The following STK31 variants were observed in gnomAD, a reference collection of about 807,000 sequenced individuals.
STK31 encodes the protein serine/threonine kinase 31.
In STK31, 89 loss-of-function variants were observed where a neutral mutation model predicts 129.7. That is an observed-to-expected ratio of 0.69 (90% confidence interval 0.58 to 0.82). The LOEUF (loss-of-function observed/expected upper bound fraction) is 0.82, where lower values mean the gene tolerates loss of function less well. Among genes scored for constraint, STK31 ranks in the 40% least tolerant of loss-of-function variants. The pLI, the probability that STK31 is intolerant of heterozygous loss-of-function variation, is 0.00. For synonymous variants in STK31, 448 were observed against 395.3 expected (o/e 1.13, Z -1.58); for missense variants, 1,187 against 1,176.4 (o/e 1.01, Z -0.13).
At chr7:23,746,951 C>T (rs1313737496) in intron 8 of STK31, among the ~76,000 whole-genome samples, 3 of 151,046 alleles carry the variant, frequency 2.0e-5, no homozygotes, top group Non-Finnish European at 4.4e-5. Context: ...CAAGGTGTAC[C>T]AGGCAGGCAC....
chr7:23,832,394 CT>C lies in STK31; in HGVS notation c.*33del. 6.6e-7 allele frequency: 1 copy of C among 1,520,352 alleles called. No homozygotes were observed. Among genetic ancestry groups the C allele is most frequent in the Non-Finnish European group, 8.8e-7 (1 of 1,136,528 alleles). 94.2% of individuals were successfully genotyped at this position (1,520,352 alleles called of 1,614,324 possible). On this transcript the variant is annotated 3_prime_UTR_variant, in exon 24 of 24. Coordinates refer to ENST00000355870, the MANE Select transcript of STK31 (RefSeq NM_031414.5). ...TATTATTGTTGTTGTTGCAGAGGTTCTTTTTAAAAACTTTGGTTTGGTTAAT... is the reference window on the plus strand; with the variant it reads ...TATTATTGTTGTTGTTGCAGAGGTTCTTTTAAAAACTTTGGTTTGGTTAAT...
chr7:23,819,667 G>A (rs1793684499), intron 23 of STK31, among the ~76,000 whole-genome samples: 1 of 151,510 alleles, frequency 6.6e-6, no homozygotes, highest in African/African-American at 2.4e-5. Context: ...ACTTGCCTTG[G>A]CCTCCCAAAG....
At chr7:23,826,050 G>A (rs1328131593) in intron 23 of STK31, among the ~76,000 whole-genome samples, 1 of 152,122 alleles carries the variant, frequency 6.6e-6, no homozygotes. Flanking sequence ...GGTGTGGTGT[G>A]GTGCTGAAAA....
chr7:23,771,297 G>T, intron 14 of STK31, 173 bp downstream of exon 14: 1 of 528,982 alleles, frequency 1.9e-6, no homozygotes, highest in Non-Finnish European at 2.9e-6. Flanking sequence ...ATTTTTTATT[G>T]TTTTAAATAT....
chr7:23,829,945 G>A (rs187757676), intron 23 of STK31, among the ~76,000 whole-genome samples: 1 of 151,926 alleles, frequency 6.6e-6, no homozygotes, highest in African/African-American at 2.4e-5. Flanking sequence ...TTTATGTTTT[G>A]TATTTTTTTG....
At chr7:23,784,939 AC>A (rs931220883) in intron 17 of STK31, among the ~76,000 whole-genome samples, 4 of 152,126 alleles carry the variant, frequency 2.6e-5, no homozygotes, top group African/African-American at 4.8e-5. Context: ...CCCATTTGAT[AC>A]CTACATTTTT....
At chr7:23,812,910 T>C (rs761875895) in intron 22 of STK31, among the ~76,000 whole-genome samples, 8 of 152,318 alleles carry the variant, frequency 5.3e-5, no homozygotes, top group Non-Finnish European at 1.2e-4. Context: ...TATGTATGTG[T>C]ATATGTGTAC....
intron 23 of STK31, among the ~76,000 whole-genome samples, chr7:23,821,905 T>C (rs557366592): frequency 1.3e-5 from 2 of 152,246 alleles, no homozygotes; most frequent in African/African-American, 4.8e-5. Context: ...TTTATTGAAG[T>C]GGGTGTCTTT....
intron 22 of STK31, among the ~76,000 whole-genome samples, chr7:23,809,403 C>T (rs1309723161): frequency 6.6e-6 from 1 of 152,050 alleles, no homozygotes; most frequent in Non-Finnish European, 1.5e-5. Context: ...CTCAGATGAT[C>T]TTACTTCTTA....
rs1788184293 is a variant in STK31, at chr7:23,743,655, T to G, written c.1017+6577T>G. ...TCTGTTTAGGCATCTCTGAACTTCT[T>G]TTATTTGAATGTCTAAATCTCTTGC... On this transcript the variant is annotated intron_variant, in intron 8 of 23. Coordinates refer to ENST00000355870, the MANE Select transcript of STK31 (RefSeq NM_031414.5). Among the ~76,000 whole-genome samples the G allele has an allele frequency of 2.0e-5, 3 of 152,330 alleles. No individual in the cohort carries two copies. The South Asian group carries it at 6.2e-4, about 32-fold the overall frequency.
In STK31 at chr7:23,787,961, T is replaced by C. The variant is rs374306155; in HGVS notation, c.2488-19T>C. On this transcript the variant is annotated intron_variant, in intron 20 of 23. Coordinates refer to ENST00000355870, the MANE Select transcript of STK31 (RefSeq NM_031414.5). Reference sequence around the variant, plus strand: ...GATTTGCCTACTTCCTCACTTCTTTTATGTGTACTTATCTATAGGAAACTT... The same window carrying C: ...GATTTGCCTACTTCCTCACTTCTTTCATGTGTACTTATCTATAGGAAACTT... 3 of 1,503,946 alleles carry C rather than the reference T, an allele frequency of 2.0e-6. No individual in the cohort carries two copies. The African/African-American group carries it at 4.3e-5, about 21-fold the overall frequency. 93.2% of individuals were successfully genotyped at this position (1,503,946 alleles called of 1,614,324 possible). A position where few individuals can be genotyped will look rare whatever the true frequency, so the allele number is the denominator to read the frequency against.
intron 11 of STK31, among the ~76,000 whole-genome samples, chr7:23,765,558 CT>C (rs10677070): frequency 2.5e-4 from 32 of 129,602 alleles, no homozygotes; most frequent in African/African-American, 4.6e-4. Flanking sequence ...ACCTCTTATA[CT>C]TTTTTTTTTT....
chr7:23,757,974 C>G (rs1271910552), intron 10 of STK31, among the ~76,000 whole-genome samples: 1 of 152,186 alleles, frequency 6.6e-6, no homozygotes. Context: ...TTTAACAAAG[C>G]ACATCCTGCA....
In STK31 at chr7:23,738,668, TGCCTCA is replaced by T. The variant is rs200546661; in HGVS notation, c.1017+1596_1017+1601del. Among the ~76,000 whole-genome samples the T allele has an allele frequency of 7.2e-3, 1,094 of 152,302 alleles. 1 individual carries two copies. Among genetic ancestry groups the T allele is most frequent in the South Asian group, 0.023 (111 of 4,818 alleles). ...GCTTCCCAGGTTCAAGCGATTCTCC[TGCCTCA>T]GCCTCCTGATAGCTGGCATTACAGG... On this transcript the variant is annotated intron_variant, in intron 8 of 23. Coordinates refer to ENST00000355870, the MANE Select transcript of STK31 (RefSeq NM_031414.5).
At chr7:23,802,373 G>T (rs1304520695) in intron 22 of STK31, among the ~76,000 whole-genome samples, 4 of 152,182 alleles carry the variant, frequency 2.6e-5, no homozygotes, top group Admixed American at 1.3e-4. Context: ...TTCGTAATTG[G>T]GGTTTGTTTA....
intron 22 of STK31, among the ~76,000 whole-genome samples, chr7:23,803,691 A>G (rs1448545096): frequency 6.6e-6 from 1 of 152,162 alleles, no homozygotes; most frequent in African/African-American, 2.4e-5. Context: ...CCAGATACTA[A>G]GCCTAGTACC....
intron 1 of STK31, among the ~76,000 whole-genome samples, chr7:23,711,127 T>C (rs896780658): frequency 9.2e-5 from 14 of 152,164 alleles, no homozygotes; most frequent in Admixed American, 3.3e-4. Context: ...TTTAGTATAG[T>C]GGTGTTCCTA....
chr7:23,777,300 T>C (rs997982828), intron 15 of STK31, among the ~76,000 whole-genome samples: 2 of 152,200 alleles, frequency 1.3e-5, no homozygotes, highest in African/African-American at 4.8e-5. Context: ...GTATATTCTG[T>C]TGATTTGGGG....
chr7:23,773,833 G>A (rs2128105222), intron 15 of STK31, among the ~76,000 whole-genome samples: 1 of 151,856 alleles, frequency 6.6e-6, no homozygotes, highest in Admixed American at 6.6e-5. Flanking sequence ...CAACGTGCAG[G>A]TTTATTACAT....
Sources: allele counts gnomAD v4.1 joint callset (sites outside exome capture counted in the v4.1 genomes callset), GRCh38; gene constraint gnomAD v4.1.1; transcripts MANE v1.5; gene names NCBI Gene and HGNC (gene_info 2026-07-23, HGNC 2026-07-21).